The following DDX60 variants were observed in gnomAD, a reference collection of about 807,000 sequenced individuals.
DDX60 encodes the protein probable ATP-dependent RNA helicase DDX60.
A neutral mutation model predicts 212.8 loss-of-function variants in DDX60; 165 were observed. The ratio of observed to expected loss-of-function variants is 0.78; its 90% confidence interval spans 0.68 to 0.88. The LOEUF (loss-of-function observed/expected upper bound fraction) is 0.88. Ranked by LOEUF, DDX60 falls within the 40% of genes least tolerant of loss-of-function variation. DDX60 has a pLI of 0.00. For missense variants in DDX60, 1,905 were observed against 2,003.9 expected (o/e 0.95, Z 0.94); for synonymous variants, 703 against 685.3 (o/e 1.03, Z -0.40).
intron 33 of DDX60, among the ~76,000 whole-genome samples, chr4:168,227,966 G>C (rs1441801847): frequency 6.6e-6 from 1 of 151,996 alleles, no homozygotes; most frequent in Non-Finnish European, 1.5e-5. Context: ...TGTATAAATA[G>C]CATATATAGT....
chr4:168,234,660 C>A (rs1215715304), intron 33 of DDX60, among the ~76,000 whole-genome samples: 4 of 152,038 alleles, frequency 2.6e-5, no homozygotes. Context: ...TATGGATCTA[C>A]AATTACCGAC....
rs1383973890 is a variant in DDX60 at position 168,285,391 on chromosome 4, A to G, written c.1445+2T>C. 2 of 1,592,304 alleles carry G rather than the reference A, an allele frequency of 1.3e-6. No homozygotes were observed. Among genetic ancestry groups the G allele is most frequent in the East Asian group, 2.2e-5 (1 of 44,638 alleles). ...ATTGAGGCACAGTTTTTGGCCTTATACCTCTTTAGAAAAGGCAAATCTTTC... is the reference window on the plus strand; with the variant it reads ...ATTGAGGCACAGTTTTTGGCCTTATGCCTCTTTAGAAAAGGCAAATCTTTC... On this transcript the variant is annotated splice_donor_variant, in intron 11 of 37. Coordinates refer to ENST00000393743, the MANE Select transcript of DDX60 (RefSeq NM_017631.6). LOFTEE classifies it high-confidence loss of function.
chr4:168,314,529 G>T (rs1445204493), intron 1 of DDX60, among the ~76,000 whole-genome samples: 2 of 152,170 alleles, frequency 1.3e-5, no homozygotes, highest in Non-Finnish European at 2.9e-5. Context: ...AAGAAAGCAT[G>T]CAAGTATTCG....
intron 9 of DDX60, 122 bp from the exon 10 acceptor site, chr4:168,287,325 G>C: frequency 1.2e-6 from 1 of 861,294 alleles, no homozygotes; most frequent in Non-Finnish European, 1.8e-6. Flanking sequence ...GAAATTTTTA[G>C]TGAGTTCCAC....
chr4:168,223,203 G>C (rs1041236991), intron 35 of DDX60, among the ~76,000 whole-genome samples: 1 of 151,936 alleles, frequency 6.6e-6, no homozygotes, highest in Non-Finnish European at 1.5e-5. Flanking sequence ...CTTAGTACAT[G>C]GTGTTCATTT....
At chr4:168,294,694 A>T (rs1384984317) in intron 6 of DDX60, among the ~76,000 whole-genome samples, 5 of 151,648 alleles carry the variant, frequency 3.3e-5, no homozygotes, top group Admixed American at 6.6e-5. Flanking sequence ...TAGAGATGGG[A>T]TTTCACCATG....
intron 29 of DDX60, 45 bp downstream of exon 29, chr4:168,248,143 C>A: frequency 7.7e-7 from 1 of 1,304,114 alleles, no homozygotes; most frequent in Non-Finnish European, 1.1e-6. Context: ...ACGCTATGGC[C>A]ATATTTCAGC....
chr4:168,236,968 ATATAT>A (rs1206342388), intron 32 of DDX60, among the ~76,000 whole-genome samples: 5 of 151,176 alleles, frequency 3.3e-5, no homozygotes, highest in Admixed American at 6.6e-5. Context: ...TATGATGAAT[ATATAT>A]TATATTTAAT....
intron 8 of DDX60, among the ~76,000 whole-genome samples, chr4:168,289,836 T>C (rs781254714): frequency 8.5e-5 from 13 of 152,188 alleles, no homozygotes; most frequent in Non-Finnish European, 1.8e-4. Context: ...ACTCTTAAAA[T>C]TGCCCAGTGC....
Position 168,255,827 on chromosome 4 carries a change from G to C in DDX60, c.3441C>G (p.Ser1147Arg). The change falls in exon 26 of 38, where the codon AGC (serine) becomes AGG (arginine). Residue 1147 changes from serine (S) to arginine (R), a missense_variant. Coordinates refer to ENST00000393743, the MANE Select transcript of DDX60 (RefSeq NM_017631.6). ...TCTCCTGCTTTTTCTTTAGGAAAGT[G>C]CTCACACTTTCAGCTGCGTTTTCTA... is the stretch of plus-strand genomic sequence containing the variant. ...GAVENAAESV[S>R]TFLKKKQETK... 1 of 1,603,790 alleles carries C rather than the reference G, an allele frequency of 6.2e-7. No individual in the cohort carries two copies. Among genetic ancestry groups the C allele is most frequent in the South Asian group, 1.1e-5 (1 of 88,244 alleles).
At chr4:168,313,115 T>G (rs1258618679) in intron 1 of DDX60, among the ~76,000 whole-genome samples, 2 of 152,172 alleles carry the variant, frequency 1.3e-5, no homozygotes, top group African/African-American at 4.8e-5. Flanking sequence ...TAATTTGCTG[T>G]GTTCTAGCAG....
chr4:168,300,595 T>C (rs1159620669), intron 6 of DDX60, among the ~76,000 whole-genome samples: 1 of 151,988 alleles, frequency 6.6e-6, no homozygotes, highest in Non-Finnish European at 1.5e-5. Context: ...TGTGTGTGTG[T>C]GTGTGTGTGT....
upstream of DDX60, among the ~76,000 whole-genome samples, chr4:168,323,227 C>T (rs572275814): frequency 6.6e-6 from 1 of 152,228 alleles, no homozygotes; most frequent in Non-Finnish European, 1.5e-5. Flanking sequence ...GGAAGCAAAT[C>T]AGGTATTTGA....
rs371710589 is a variant in DDX60 at position 168,246,573 on chromosome 4, C to T, written c.4009G>A (p.Val1337Ile). The change falls in exon 30 of 38, where the codon GTA (valine) becomes ATA (isoleucine). Residue 1337 changes from valine to isoleucine, a missense_variant. Val to Ile is a conservative substitution (Grantham distance 29). Coordinates refer to ENST00000393743, the MANE Select transcript of DDX60 (RefSeq NM_017631.6). ...GRRGQDLMGD[V>I]YFFDIPFPKI... ...GGGAATGGAATATCAAAGAAATATA[C>T]ATCTCCCATCAGGTCTTGACCTCTT... 8.5e-5 allele frequency: 137 copies of T among 1,614,064 alleles called. 1 individual carries two copies. In the African/African-American group the frequency reaches 1.2e-3, roughly 14 times the overall value.
At chr4:168,304,438 C>G (rs923497965) in intron 5 of DDX60, among the ~76,000 whole-genome samples, 3 of 152,142 alleles carry the variant, frequency 2.0e-5, no homozygotes, top group African/African-American at 7.2e-5. Context: ...CAGTGATTCA[C>G]ACTTGTAATC....
intron 5 of DDX60, 99 bp from the exon 6 acceptor site, chr4:168,302,515 G>T: frequency 3.9e-6 from 2 of 518,380 alleles, no homozygotes; most frequent in Admixed American, 8.5e-5. Flanking sequence ...ATTATGTTAC[G>T]ATATATTTCT....
At chr4:168,296,332 AGGAACTAC>A (rs1014750393) in intron 6 of DDX60, among the ~76,000 whole-genome samples, 3 of 152,076 alleles carry the variant, frequency 2.0e-5, no homozygotes, top group African/African-American at 4.8e-5. Context: ...ACTATTTAAA[AGGAACTAC>A]CTAAGGGGAC....
intron 6 of DDX60, among the ~76,000 whole-genome samples, chr4:168,297,302 G>GA (rs1490342700): frequency 0.017 from 106 of 6,074 alleles, 3 homozygotes; most frequent in African/African-American, 0.1. Flanking sequence ...AGAGACGAAA[G>GA]AAAGAAAGAA....
chr4:168,222,455 A>ATT (rs200649184), intron 35 of DDX60, among the ~76,000 whole-genome samples: 58 of 151,414 alleles, frequency 3.8e-4, no homozygotes, highest in Middle Eastern at 3.4e-3. Context: ...TGGCACAGCT[A>ATT]TTTTTTTTTG....
Sources: allele counts gnomAD v4.1 joint callset (sites outside exome capture counted in the v4.1 genomes callset), GRCh38; gene constraint gnomAD v4.1.1; transcripts MANE v1.5; gene names NCBI Gene and HGNC (gene_info 2026-07-23, HGNC 2026-07-21).